The following RNF130 variants were observed in gnomAD, a reference collection of about 807,000 sequenced individuals.
RNF130 encodes the protein E3 ubiquitin-protein ligase RNF130.
Under a neutral mutation model 44.6 loss-of-function variants are expected in RNF130, and 21 were observed. That is an observed-to-expected ratio of 0.47 (90% CI 0.33 to 0.68). RNF130 has a LOEUF of 0.68. Ranked by LOEUF, RNF130 falls within the 30% of genes least tolerant of loss-of-function variation. The probability of loss-of-function intolerance (pLI) is 0.02; values close to 1 mark genes in which losing one functional copy is unlikely to be tolerated. For missense variants in RNF130, 479 were observed against 560.6 expected (o/e 0.85, Z 1.47); for synonymous variants, 214 against 210.4 (o/e 1.02, Z -0.15).
intron 3 of RNF130, among the ~76,000 whole-genome samples, chr5:179,998,043 T>C (rs953238042): frequency 3.9e-5 from 6 of 152,212 alleles, no homozygotes; most frequent in Admixed American, 3.3e-4. Context: ...GGTTTCACCA[T>C]GTTGGCCAGG....
intron 3 of RNF130, among the ~76,000 whole-genome samples, chr5:180,008,315 T>C (rs932329770): frequency 6.6e-6 from 1 of 151,796 alleles, no homozygotes; most frequent in Non-Finnish European, 1.5e-5. Flanking sequence ...AAAATCACAA[T>C]CCTCCTCCCA....
In RNF130 at chr5:179,966,688, A is replaced by G. The variant is rs529863616; in HGVS notation, c.1150+118T>C. 14 of 792,364 alleles carry G rather than the reference A, an allele frequency of 1.8e-5. No individual in the cohort carries two copies. The East Asian group carries it at 2.2e-4, about 12-fold the overall frequency. The allele number at this position is 792,364 out of a possible 1,614,324, so 49.1% of individuals were successfully genotyped here. On this transcript the variant is annotated intron_variant, in intron 7 of 8. Transcript: ENST00000521389. The stretch of plus-strand genomic sequence containing the variant: ...ACCTGTTTTAACAGCAACACACATC[A>G]CTTTCTTGGTTACAGTCTGTGTTGC...
At chr5:179,952,002 A>T (rs1762133320), downstream of RNF130, among the ~76,000 whole-genome samples, 1 of 152,138 alleles carries the variant, frequency 6.6e-6, no homozygotes, top group African/African-American at 2.4e-5. Flanking sequence ...AAACAAAAAA[A>T]CTAAACCTAA....
chr5:180,021,966 C>A (rs1006159134), intron 2 of RNF130, among the ~76,000 whole-genome samples: 15 of 152,206 alleles, frequency 9.9e-5, no homozygotes, highest in African/African-American at 3.1e-4. Flanking sequence ...CTCGGTCTTT[C>A]TTGGTGTTTG....
chr5:179,921,760 C>T (rs542063925), intron 7 of RNF130, among the ~76,000 whole-genome samples: 6 of 149,966 alleles, frequency 4.0e-5, no homozygotes, highest in South Asian at 4.2e-4. Flanking sequence ...TCGCGCCACA[C>T]GCCTGTCATC....
At chr5:180,016,262 C>T (rs910750642) in intron 2 of RNF130, among the ~76,000 whole-genome samples, 2 of 152,084 alleles carry the variant, frequency 1.3e-5, no homozygotes, top group African/African-American at 2.4e-5. Context: ...ACCCCTAAAG[C>T]CTGATAGGGC....
intron 3 of RNF130, among the ~76,000 whole-genome samples, chr5:180,011,087 T>C (rs1561691226): frequency 6.6e-6 from 1 of 152,198 alleles, no homozygotes; most frequent in Non-Finnish European, 1.5e-5. Flanking sequence ...AATCTACATT[T>C]TCACAAAACG....
At chr5:179,939,939 G>T in intron 7 of RNF130, 1 of 226,040 alleles carries the variant, frequency 4.4e-6, no homozygotes, top group Non-Finnish European at 8.9e-6. Flanking sequence ...ATCCTTCTTT[G>T]TCATAAACGT....
At chr5:180,056,559 G>C in intron 1 of RNF130, among the ~76,000 whole-genome samples, 1 of 152,190 alleles carries the variant, frequency 6.6e-6, no homozygotes, top group East Asian at 1.9e-4. Flanking sequence ...GTTACCGACA[G>C]ACAGCAAACA....
chr5:180,013,465 G>C, intron 2 of RNF130, among the ~76,000 whole-genome samples, 154 bp from the exon 3 acceptor site: 1 of 152,180 alleles, frequency 6.6e-6, no homozygotes, highest in Middle Eastern at 3.2e-3. Context: ...ATGCAGCTGG[G>C]TATGCTGGCA....
chr5:179,978,020 A>G (rs138570499), intron 5 of RNF130, among the ~76,000 whole-genome samples, 183 bp downstream of exon 5: 404 of 152,330 alleles, frequency 2.7e-3, no homozygotes, highest in Non-Finnish European at 4.1e-3. Context: ...TGCAGCCCGC[A>G]CCTGCTGAAC....
At chr5:179,933,643 T>A (rs1761844049) in intron 7 of RNF130, among the ~76,000 whole-genome samples, 3 of 151,896 alleles carry the variant, frequency 2.0e-5, no homozygotes. Flanking sequence ...TGCCTCAGCC[T>A]CCCGAGTAGC....
intron 7 of RNF130, chr5:179,934,334 T>C (rs1761856644): frequency 6.5e-6 from 1 of 153,508 alleles, no homozygotes; most frequent in African/African-American, 2.4e-5. Flanking sequence ...TCTACACCCA[T>C]TAAATAACCC....
intron 2 of RNF130, among the ~76,000 whole-genome samples, chr5:180,016,562 T>C (rs1441739750): frequency 6.6e-6 from 1 of 152,222 alleles, no homozygotes; most frequent in African/African-American, 2.4e-5. Flanking sequence ...CAGTACTAAC[T>C]GTCAGAGATG....
intron 3 of RNF130, among the ~76,000 whole-genome samples, chr5:179,984,963 C>A (rs1223526865): frequency 6.6e-6 from 1 of 151,986 alleles, no homozygotes; most frequent in African/African-American, 2.4e-5. Context: ...AATTTCTGGT[C>A]CAAAGCATTT....
intron 8 of RNF130, among the ~76,000 whole-genome samples, chr5:179,961,202 A>T (rs1214759799): frequency 6.6e-6 from 1 of 152,146 alleles, no homozygotes; most frequent in Non-Finnish European, 1.5e-5. Context: ...TCTGGTGAGC[A>T]TCCTTGCTCG....
At chr5:180,065,135 T>TA (rs34442402) in intron 1 of RNF130, among the ~76,000 whole-genome samples, 12,675 of 147,014 alleles carry the variant, frequency 0.086, 714 homozygotes, top group East Asian at 0.21. Flanking sequence ...AGAATGAATT[T>TA]AAAAAAAAAA....
chr5:179,966,140 G>A (rs554635422), intron 7 of RNF130, among the ~76,000 whole-genome samples: 43 of 152,244 alleles, frequency 2.8e-4, no homozygotes, highest in African/African-American at 1.0e-3. Context: ...CACTCACACC[G>A]TCCTGAGGCA....
At chr5:179,924,523 C>T (rs966101656) in intron 7 of RNF130, among the ~76,000 whole-genome samples, 2 of 149,614 alleles carry the variant, frequency 1.3e-5, no homozygotes, top group Non-Finnish European at 3.0e-5. Context: ...ACAGGCTGGG[C>T]GCAGTGGCTC....
Sources: allele counts gnomAD v4.1 joint callset (sites outside exome capture counted in the v4.1 genomes callset), GRCh38; gene constraint gnomAD v4.1.1; transcripts MANE v1.5; gene names NCBI Gene and HGNC (gene_info 2026-07-23, HGNC 2026-07-21).